NFIB: variants seen among roughly 807,000 people sequenced by gnomAD.
NFIB encodes the protein nuclear factor 1 B-type.
A neutral mutation model predicts 61.5 loss-of-function variants in NFIB; 11 were observed. The observed-to-expected ratio is 0.18, with a 90% CI of 0.11 to 0.30. NFIB has a LOEUF of 0.30. Ranked by LOEUF, NFIB falls within the 10% of genes least tolerant of loss-of-function variation. NFIB has a pLI of 1.00. For missense variants in NFIB, 471 were observed against 608.9 expected, an observed-to-expected ratio of 0.77 and a Z score of 2.38; for synonymous variants, 260 against 216.5, an observed-to-expected ratio of 1.20 and a Z score of -1.76.
chr9:14,237,958 C>T (rs760784286), intron 2 of NFIB, among the ~76,000 whole-genome samples: 95 of 150,392 alleles, frequency 6.3e-4, no homozygotes, highest in Middle Eastern at 3.5e-3. Flanking sequence ...ATGAGGCTTA[C>T]GGTCTAGGAG....
At chr9:14,241,127 CAA>C (rs1422753064) in intron 2 of NFIB, among the ~76,000 whole-genome samples, 1 of 152,166 alleles carries the variant, frequency 6.6e-6, no homozygotes, top group Non-Finnish European at 1.5e-5. Context: ...AAATGAGGGG[CAA>C]ATGTATTCGG....
intron 6 of NFIB, among the ~76,000 whole-genome samples, chr9:14,129,676 C>G (rs185687958): frequency 6.6e-6 from 1 of 152,176 alleles, no homozygotes; most frequent in African/African-American, 2.4e-5. Context: ...TTAAAGTGAC[C>G]TTTCTGTGAA....
chr9:14,243,958 G>C (rs2054616772), intron 2 of NFIB, among the ~76,000 whole-genome samples: 1 of 152,184 alleles, frequency 6.6e-6, no homozygotes, highest in South Asian at 2.1e-4. Context: ...GGAAATTACC[G>C]TATACTGTAG....
At chr9:14,185,048 T>C (rs1223931395) in intron 2 of NFIB, among the ~76,000 whole-genome samples, 2 of 149,772 alleles carry the variant, frequency 1.3e-5, no homozygotes, top group African/African-American at 4.9e-5. Flanking sequence ...ATTAAATTTA[T>C]ATTTAATTTA....
chr9:14,468,590 C>T, the NFIB span, among the ~76,000 whole-genome samples: 1 of 152,134 alleles, frequency 6.6e-6, no homozygotes, highest in Non-Finnish European at 1.5e-5. Flanking sequence ...CTAATTTGCT[C>T]CTCTTTCAGC....
chr9:14,096,335 A>C (rs2118699301), intron 10 of NFIB: 1 of 152,332 alleles, frequency 6.6e-6, no homozygotes, highest in African/African-American at 2.4e-5. Flanking sequence ...GAAACGTAAG[A>C]TTAAGTTTGT....
chr9:14,462,868 T>C, the NFIB span, among the ~76,000 whole-genome samples: 1 of 152,180 alleles, frequency 6.6e-6, no homozygotes, highest in African/African-American at 2.4e-5. Context: ...TGTTAGTTAT[T>C]AACATGTTTT....
the NFIB span, among the ~76,000 whole-genome samples, chr9:14,507,904 G>C: frequency 6.6e-6 from 1 of 151,552 alleles, no homozygotes; most frequent in Non-Finnish European, 1.5e-5. Context: ...CTTTCTATGT[G>C]ACACAGGTTC....
the NFIB span, among the ~76,000 whole-genome samples, chr9:14,508,930 A>G: frequency 6.6e-6 from 1 of 152,348 alleles, no homozygotes; most frequent in Non-Finnish European, 1.5e-5. Context: ...ATATAACAAT[A>G]TATTACTTCC....
At chr9:14,391,971 C>T (rs2061627639) in intron 1 of NFIB, among the ~76,000 whole-genome samples, 1 of 152,186 alleles carries the variant, frequency 6.6e-6, no homozygotes, top group Non-Finnish European at 1.5e-5. Context: ...TCCAAGGAAA[C>T]AAGAATCAAG....
At chr9:14,092,937 A>G (rs1357147304) in intron 10 of NFIB, among the ~76,000 whole-genome samples, 1 of 152,100 alleles carries the variant, frequency 6.6e-6, no homozygotes, top group Non-Finnish European at 1.5e-5. Context: ...TCAGTGAAAG[A>G]AAGGCAGAAA....
intron 3 of NFIB, among the ~76,000 whole-genome samples, chr9:14,165,959 C>G (rs1265448945): frequency 6.6e-6 from 1 of 152,134 alleles, no homozygotes; most frequent in Non-Finnish European, 1.5e-5. Flanking sequence ...TTTCACACTA[C>G]TGTATTGTAC....
the NFIB span, among the ~76,000 whole-genome samples, chr9:14,513,767 G>A: frequency 6.6e-6 from 1 of 151,992 alleles, no homozygotes; most frequent in Non-Finnish European, 1.5e-5. Flanking sequence ...GGCAAATCCA[G>A]TTCCATCACT....
At chr9:14,229,048 T>C (rs994423782) in intron 2 of NFIB, among the ~76,000 whole-genome samples, 2 of 148,674 alleles carry the variant, frequency 1.3e-5, no homozygotes, top group African/African-American at 4.9e-5. Context: ...AAAACAGTAG[T>C]AGAGAAATTC....
intron 2 of NFIB, among the ~76,000 whole-genome samples, chr9:14,257,640 C>G (rs981800619): frequency 6.6e-6 from 1 of 152,088 alleles, no homozygotes; most frequent in Admixed American, 6.5e-5. Flanking sequence ...CCTGTAATCC[C>G]AGCTACTTGG....
chr9:14,214,173 C>T (rs939704728), intron 2 of NFIB, among the ~76,000 whole-genome samples: 1 of 152,130 alleles, frequency 6.6e-6, no homozygotes, highest in South Asian at 2.1e-4. Flanking sequence ...AAGAGAGAAC[C>T]TGCACTTCTC....
the NFIB span, among the ~76,000 whole-genome samples, chr9:14,405,802 C>A: frequency 0.74 from 112,724 of 152,114 alleles, 41,936 homozygotes; most frequent in Admixed American, 0.83. Flanking sequence ...TCCTATTTAG[C>A]CCCGATGGGT....
chr9:14,365,381 T>C (rs1326571776), intron 1 of NFIB, among the ~76,000 whole-genome samples: 2 of 152,224 alleles, frequency 1.3e-5, no homozygotes, highest in Non-Finnish European at 2.9e-5. Flanking sequence ...GGATAATGTG[T>C]CTTCCCACAC....
the NFIB span, among the ~76,000 whole-genome samples, chr9:14,441,763 G>A: frequency 1.6e-4 from 24 of 152,020 alleles, no homozygotes; most frequent in Non-Finnish European, 2.6e-4. Flanking sequence ...GTCTGCCTAT[G>A]GAATAAGCAG....
Sources: allele counts gnomAD v4.1 joint callset (sites outside exome capture counted in the v4.1 genomes callset), GRCh38; gene constraint gnomAD v4.1.1; transcripts MANE v1.5; gene names NCBI Gene and HGNC (gene_info 2026-07-23, HGNC 2026-07-21).